PATJ: variants seen among roughly 807,000 people sequenced by gnomAD.
PATJ encodes the protein PATJ crumbs cell polarity complex component, also known as inaD-like protein.
PATJ carries 190 observed loss-of-function variants against 224.9 expected under a neutral mutation model. The ratio of observed to expected loss-of-function variants is 0.84; its 90% CI spans 0.75 to 0.95. The LOEUF (loss-of-function observed/expected upper bound fraction) is 0.95, where lower values mean the gene tolerates loss of function less well. PATJ is among the 40% of genes least tolerant of loss of function. PATJ has a pLI of 0.00. For synonymous variants in PATJ, 769 were observed against 820.3 expected (o/e 0.94, Z 1.07); for missense variants, 2,121 against 2,270.3 (o/e 0.93, Z 1.34).
intron 29 of PATJ, among the ~76,000 whole-genome samples, chr1:62,033,378 A>G (rs1050078320): frequency 2.0e-5 from 3 of 152,208 alleles, no homozygotes; most frequent in Non-Finnish European, 2.9e-5. Flanking sequence ...AAAAGGATCC[A>G]TACAATAAGG....
chr1:61,950,603 A>C (rs1679499808), intron 27 of PATJ, among the ~76,000 whole-genome samples: 1 of 152,262 alleles, frequency 6.6e-6, no homozygotes, highest in Non-Finnish European at 1.5e-5. Context: ...TACAATCAAC[A>C]GCAATTATTA....
At chr1:61,801,846 G>C (rs1652572876) in intron 12 of PATJ, 77 bp downstream of exon 12, 1 of 1,046,662 alleles carries the variant, frequency 9.6e-7, no homozygotes, top group Non-Finnish European at 1.3e-6. Context: ...AGTTAATATA[G>C]TATGAGAAAT....
At chr1:61,905,851 G>A (rs1172273871) in intron 24 of PATJ, among the ~76,000 whole-genome samples, 8 of 152,140 alleles carry the variant, frequency 5.3e-5, no homozygotes, top group Admixed American at 5.2e-4. Context: ...GACACCGACT[G>A]GATGTCTTAT....
chr1:61,899,482 T>C (rs1438036204), intron 22 of PATJ, 101 bp from the exon 23 acceptor site: 3 of 655,206 alleles, frequency 4.6e-6, no homozygotes, highest in Non-Finnish European at 7.4e-6. Context: ...TTGAGAATCA[T>C]TTAACTACCT....
At chr1:61,801,843 A>G in intron 12 of PATJ, 74 bp downstream of exon 12, 1 of 1,071,910 alleles carries the variant, frequency 9.3e-7, no homozygotes, top group Non-Finnish European at 1.3e-6. Context: ...TATAGTTAAT[A>G]TAGTATGAGA....
At chr1:61,954,760 T>TTG (rs1680201439) in intron 27 of PATJ, among the ~76,000 whole-genome samples, 1 of 151,012 alleles carries the variant, frequency 6.6e-6, no homozygotes, top group African/African-American at 2.4e-5. Flanking sequence ...CTATTGTTTT[T>TTG]TTTTTTTTTT....
At chr1:61,760,777 T>G (rs1255165377) in intron 1 of PATJ, among the ~76,000 whole-genome samples, 1 of 151,536 alleles carries the variant, frequency 6.6e-6, no homozygotes, top group Non-Finnish European at 1.5e-5. Context: ...CCACCACGCC[T>G]AATTTTTGTA....
intron 27 of PATJ, among the ~76,000 whole-genome samples, chr1:61,928,238 T>C (rs1455488420): frequency 6.6e-6 from 1 of 152,244 alleles, no homozygotes; most frequent in African/African-American, 2.4e-5. Flanking sequence ...ACTTGTATTT[T>C]GTCCTTTAAA....
intron 28 of PATJ, among the ~76,000 whole-genome samples, chr1:62,003,518 A>G (rs1385938293): frequency 6.6e-6 from 1 of 152,214 alleles, no homozygotes; most frequent in Non-Finnish European, 1.5e-5. Flanking sequence ...TTCACAAGAA[A>G]TAGATTAAAT....
chr1:62,127,945 A>G, intron 39 of PATJ, 27 bp from the exon 40 acceptor site: 1 of 1,612,696 alleles, frequency 6.2e-7, no homozygotes. Context: ...TTAAATATAA[A>G]AGCATTATGT....
chr1:61,853,143 T>C (rs1474102387), intron 17 of PATJ, among the ~76,000 whole-genome samples: 1 of 152,202 alleles, frequency 6.6e-6, no homozygotes, highest in African/African-American at 2.4e-5. Context: ...GTCACTAGTT[T>C]GAGGTCTAAA....
At chr1:61,947,262 G>A (rs1008989900) in intron 27 of PATJ, among the ~76,000 whole-genome samples, 11 of 152,156 alleles carry the variant, frequency 7.2e-5, no homozygotes, top group African/African-American at 2.7e-4. Flanking sequence ...CAATTAGGAA[G>A]AGAGGAAGTC....
intron 24 of PATJ, among the ~76,000 whole-genome samples, chr1:61,906,777 T>C (rs1571223995): frequency 6.6e-6 from 1 of 152,294 alleles, no homozygotes; most frequent in African/African-American, 2.4e-5. Flanking sequence ...CCAGCCATGG[T>C]ATCTGGTCTC....
chr1:62,005,885 T>C lies in PATJ; in HGVS notation c.3868-11971T>C, dbSNP rs571925448. 9.7e-4 allele frequency among the ~76,000 whole-genome samples: 148 copies of C among 152,358 alleles called. 2 individuals are homozygous for C. Among genetic ancestry groups the C allele is most frequent in the African/African-American group, 3.5e-3 (145 of 41,586 alleles). ...TGTCACTTTTCATAATCAATCCTTC[T>C]GCTTTAATAAAATTGTGGGTGGGGT... On this transcript the variant is annotated intron_variant, in intron 28 of 43. Transcript: ENST00000642238.
intron 29 of PATJ, among the ~76,000 whole-genome samples, chr1:62,023,760 T>C (rs553518804): frequency 3.3e-4 from 51 of 152,340 alleles, no homozygotes; most frequent in Middle Eastern, 3.4e-3. Flanking sequence ...TTTAGGAAAG[T>C]ATCATTGAGT....
At chr1:61,993,497 CT>C (rs1198671088) in intron 28 of PATJ, among the ~76,000 whole-genome samples, 7 of 152,072 alleles carry the variant, frequency 4.6e-5, no homozygotes, top group African/African-American at 1.7e-4. Context: ...ACATTCCAAG[CT>C]TTTAGCTGTG....
intron 9 of PATJ, among the ~76,000 whole-genome samples, chr1:61,795,184 C>G (rs1650818304): frequency 6.6e-6 from 1 of 151,090 alleles, no homozygotes; most frequent in South Asian, 2.1e-4. Flanking sequence ...CAGACTTCCT[C>G]TGGGCTCTCC....
chr1:61,838,687 C>T (rs1163274165), intron 17 of PATJ, among the ~76,000 whole-genome samples: 1 of 152,038 alleles, frequency 6.6e-6, no homozygotes, highest in East Asian at 1.9e-4. Context: ...TACTCTGTTT[C>T]TAAGCAACAA....
chr1:61,945,226 A>G (rs966977652), intron 27 of PATJ, among the ~76,000 whole-genome samples: 1 of 152,204 alleles, frequency 6.6e-6, no homozygotes, highest in African/African-American at 2.4e-5. Context: ...ACACATAACA[A>G]TATTAACCTT....
Sources: allele counts gnomAD v4.1 joint callset (sites outside exome capture counted in the v4.1 genomes callset), GRCh38; gene constraint gnomAD v4.1.1; transcripts MANE v1.5; gene names NCBI Gene and HGNC (gene_info 2026-07-23, HGNC 2026-07-21).